The following SYNRG variants were observed in gnomAD, a reference collection of about 807,000 sequenced individuals.
SYNRG encodes the protein synergin gamma, also known as AP1 gamma subunit binding protein 1.
SYNRG carries 37 observed loss-of-function variants against 130.9 expected under a neutral mutation model. The observed-to-expected ratio is 0.28, with a 90% CI of 0.22 to 0.37. The LOEUF (loss-of-function observed/expected upper bound fraction) is 0.37, where lower values mean the gene tolerates loss of function less well. Ranked by LOEUF, SYNRG falls within the 10% of genes least tolerant of loss-of-function variation. The probability of loss-of-function intolerance (pLI) is 1.00; values close to 1 mark genes in which losing one functional copy is unlikely to be tolerated. For synonymous variants in SYNRG, 539 were observed against 568.1 expected (o/e 0.95, Z 0.73); for missense variants, 1,338 against 1,588.9 (o/e 0.84, Z 2.68).
chr17:37,596,360 C>T lies in SYNRG; in HGVS notation c.119-16G>A, dbSNP rs762921089. The T allele has an allele frequency of 1.6e-5, 25 of 1,612,788 alleles. No homozygotes were observed. The highest frequency in any genetic ancestry group is 2.0e-5 in the Non-Finnish European group (24 of 1,179,658). On this transcript the variant is annotated splice_polypyrimidine_tract_variant and intron_variant, in intron 2 of 21. Coordinates refer to ENST00000612223, the MANE Select transcript of SYNRG (RefSeq NM_007247.6). ...ATCAGGCCTGCTGAAAATATAAAGA[C>T]ATTATTAAAGTCAATGTGTTTTAAA...
intron 6 of SYNRG, among the ~76,000 whole-genome samples, chr17:37,580,723 C>CG (rs1237771398): frequency 6.6e-6 from 1 of 152,044 alleles, no homozygotes; most frequent in Non-Finnish European, 1.5e-5. Context: ...TTAGTAGAGA[C>CG]GGGGTTTCAC....
intron 19 of SYNRG, among the ~76,000 whole-genome samples, chr17:37,534,861 AC>A (rs1431882270): frequency 6.6e-6 from 1 of 152,062 alleles, no homozygotes; most frequent in East Asian, 1.9e-4. Flanking sequence ...TTCCTCCCAC[AC>A]AGCTGCAATC....
intron 1 of SYNRG, among the ~76,000 whole-genome samples, chr17:37,607,915 C>T (rs1324656985): frequency 7.0e-6 from 1 of 143,226 alleles, no homozygotes; most frequent in Non-Finnish European, 1.5e-5. Flanking sequence ...GAGATCACGC[C>T]GCCGCACTCT....
chr17:37,588,219 C>G (rs1343869787), intron 3 of SYNRG, among the ~76,000 whole-genome samples: 1 of 151,630 alleles, frequency 6.6e-6, no homozygotes, highest in South Asian at 2.1e-4. Context: ...ACCACTGAAC[C>G]ATGCTGGAGA....
intron 19 of SYNRG, among the ~76,000 whole-genome samples, chr17:37,528,835 A>G: frequency 6.6e-6 from 1 of 152,210 alleles, no homozygotes; most frequent in East Asian, 1.9e-4. Context: ...CTCAAGTTTC[A>G]CAGACAGAGG....
At chr17:37,582,860 A>C (rs1402495371) in intron 6 of SYNRG, among the ~76,000 whole-genome samples, 3 of 152,180 alleles carry the variant, frequency 2.0e-5, no homozygotes, top group Non-Finnish European at 4.4e-5. Flanking sequence ...GTCTCAAAAA[A>C]AAAGTTATAT....
intron 19 of SYNRG, among the ~76,000 whole-genome samples, chr17:37,532,056 A>G (rs1291439843): frequency 3.3e-5 from 5 of 152,260 alleles, no homozygotes; most frequent in Admixed American, 2.0e-4. Context: ...CATATTTAGA[A>G]TCGCTGCCTT....
chr17:37,588,055 TC>T (rs1319392740), intron 3 of SYNRG, among the ~76,000 whole-genome samples: 2 of 152,086 alleles, frequency 1.3e-5, no homozygotes, highest in Non-Finnish European at 2.9e-5. Context: ...TATCCTCACT[TC>T]CCTTCTTGCT....
chr17:37,594,586 T>A (rs546641316), intron 3 of SYNRG, among the ~76,000 whole-genome samples: 3 of 151,314 alleles, frequency 2.0e-5, no homozygotes. Context: ...CTCAGCCTCC[T>A]GAGTAGCTGG....
rs1274919803 is a variant in SYNRG at position 37,520,224 on chromosome 17, C to T, written c.3778-10G>A. 6.2e-7 allele frequency: 1 copy of T among 1,614,170 alleles called. No homozygotes were observed. The highest frequency in any genetic ancestry group is 8.5e-7 in the Non-Finnish European group (1 of 1,180,012). Reference sequence around the variant, plus strand: ...CAGGCTTCTCTTCTTTCTGAAATAACGTTGAAACCACAGGTCAACAACATT... The same window carrying T: ...CAGGCTTCTCTTCTTTCTGAAATAATGTTGAAACCACAGGTCAACAACATT... On this transcript the variant is annotated splice_polypyrimidine_tract_variant and intron_variant, in intron 20 of 21. Transcript: ENST00000612223.
At chr17:37,560,669 AT>A (rs749040118) in intron 13 of SYNRG, among the ~76,000 whole-genome samples, 498 of 125,790 alleles carry the variant, frequency 4.0e-3, no homozygotes, top group African/African-American at 5.2e-3. Context: ...AACAATAGCT[AT>A]TTTTTTTTTT....
chr17:37,540,556 G>C lies in SYNRG; in HGVS notation c.3203-13C>G. The C allele has an allele frequency of 1.2e-6, 2 of 1,612,492 alleles. No individual in the cohort carries two copies. Among genetic ancestry groups the C allele is most frequent in the Non-Finnish European group, 1.7e-6 (2 of 1,179,354 alleles). ...CTCTTGTGTGATCCTGGGAGAAGGG[G>C]ATAATACAGTCAAAGGTTTTGGCTA... On this transcript the variant is annotated splice_polypyrimidine_tract_variant and intron_variant, in intron 15 of 21. Transcript: ENST00000612223.
intron 19 of SYNRG, among the ~76,000 whole-genome samples, chr17:37,535,430 G>A (rs562336535): frequency 6.6e-6 from 1 of 152,298 alleles, no homozygotes; most frequent in East Asian, 1.9e-4. Context: ...TGTAACAACA[G>A]CTACATACGC....
chr17:37,547,288 T>C (rs2058356435), intron 14 of SYNRG, among the ~76,000 whole-genome samples: 1 of 152,190 alleles, frequency 6.6e-6, no homozygotes, highest in African/African-American at 2.4e-5. Flanking sequence ...CAAGGAATGG[T>C]GTCAGGATAC....
At chr17:37,520,472 G>A in intron 20 of SYNRG, 66 bp downstream of exon 20, 1 of 1,474,524 alleles carries the variant, frequency 6.8e-7, no homozygotes, top group East Asian at 2.3e-5. Context: ...AAGTGGGCCA[G>A]ATGAGGTTGT....
At chr17:37,573,228 C>T (rs1568440521) in intron 8 of SYNRG, among the ~76,000 whole-genome samples, 1 of 151,974 alleles carries the variant, frequency 6.6e-6, no homozygotes, top group Non-Finnish European at 1.5e-5. Flanking sequence ...ACGGTGAAAT[C>T]CTGTCTCTAC....
intron 19 of SYNRG, among the ~76,000 whole-genome samples, chr17:37,528,548 G>GA (rs1328232433): frequency 6.6e-6 from 1 of 152,172 alleles, no homozygotes; most frequent in East Asian, 1.9e-4. Flanking sequence ...TCATTTACCT[G>GA]AAATGAAGCA....
intron 14 of SYNRG, among the ~76,000 whole-genome samples, chr17:37,546,814 GAT>G (rs1165896907): frequency 6.6e-6 from 1 of 152,140 alleles, no homozygotes; most frequent in African/African-American, 2.4e-5. Flanking sequence ...ATTGGACTAA[GAT>G]ATATATTTTA....
chr17:37,542,279 G>A lies in SYNRG; in HGVS notation c.2895C>T (p.Ala965=). The A allele has an allele frequency of 3.1e-6, 5 of 1,614,182 alleles. No homozygotes were observed. The highest frequency in any genetic ancestry group is 4.2e-6 in the Non-Finnish European group (5 of 1,180,034). Residue 965 remains alanine (A), a synonymous_variant, in exon 15 of 22, where the codon GCC becomes GCT. Coordinates refer to ENST00000612223, the MANE Select transcript of SYNRG (RefSeq NM_007247.6). ...ALPETTFPAL[A]SFKDTIPQTS... is the part of the protein sequence containing the mutation. ...TCTGAGGAATCGTGTCTTTAAAACT[G>A]GCAAGAGCTGGGAAGGTGGTCTCTG...
Sources: allele counts gnomAD v4.1 joint callset (sites outside exome capture counted in the v4.1 genomes callset), GRCh38; gene constraint gnomAD v4.1.1; transcripts MANE v1.5; gene names NCBI Gene and HGNC (gene_info 2026-07-23, HGNC 2026-07-21).